Variants in MLLT10 observed in about 807,000 individuals in gnomAD.
MLLT10 encodes MLLT10 histone lysine methyltransferase DOT1L cofactor, also known as protein AF-10.
In MLLT10, 30 loss-of-function variants were observed where a neutral mutation model predicts 129.1. That is an observed-to-expected ratio of 0.23 (90% CI 0.17 to 0.32). MLLT10 has a LOEUF of 0.32. Among genes scored for constraint, MLLT10 ranks in the 10% least tolerant of loss-of-function variants. MLLT10 has a pLI of 1.00. For synonymous variants in MLLT10, 490 were observed against 446.4 expected, an observed-to-expected ratio of 1.10 and a Z score of -1.23; for missense variants, 1,119 against 1,268.3, an observed-to-expected ratio of 0.88 and a Z score of 1.79.
rs542752845 is a variant in MLLT10, at chr10:21,605,358, CTG to C, written c.406-6988_406-6987del. Among the ~76,000 whole-genome samples the C allele has an allele frequency of 3.2e-4, 49 of 152,276 alleles. 1 individual carries two copies. Among genetic ancestry groups the C allele is most frequent in the African/African-American group, 1.1e-3 (47 of 41,572 alleles). On this transcript the variant is annotated intron_variant, in intron 5 of 22. Transcript: ENST00000307729. ...GCATCATGGTGGTAAAGTTGAAAAA[CTG>C]TAAGTAGAATGATTTTAAGTTGGAT...
intron 10 of MLLT10, among the ~76,000 whole-genome samples, chr10:21,671,834 C>T (rs2051440483): frequency 6.6e-6 from 1 of 151,944 alleles, no homozygotes; most frequent in South Asian, 2.1e-4. Flanking sequence ...CTGCCTGTGG[C>T]CCCAGCTCCT....
chr10:21,612,068 C>T (rs1364363127), intron 5 of MLLT10, among the ~76,000 whole-genome samples: 1 of 152,100 alleles, frequency 6.6e-6, no homozygotes, highest in Non-Finnish European at 1.5e-5. Context: ...GCCCGCCAGC[C>T]TCAGTGCCTG....
intron 14 of MLLT10, 100 bp downstream of exon 14, chr10:21,714,050 G>A (rs910223583): frequency 5.1e-5 from 50 of 975,296 alleles, no homozygotes; most frequent in Non-Finnish European, 6.7e-5. Context: ...GCCTTCTATA[G>A]GAATTTATGA....
At chr10:21,721,956 G>A (rs1360685805) in intron 14 of MLLT10, among the ~76,000 whole-genome samples, 1 of 151,770 alleles carries the variant, frequency 6.6e-6, no homozygotes, top group Non-Finnish European at 1.5e-5. Context: ...ATTTTTATCA[G>A]TTATTGGTCT....
At chr10:21,685,223 T>A (rs535656601) in intron 13 of MLLT10, among the ~76,000 whole-genome samples, 1 of 152,358 alleles carries the variant, frequency 6.6e-6, no homozygotes, top group South Asian at 2.1e-4. Flanking sequence ...TCATTTATTC[T>A]AGCAACTGAT....
At chr10:21,681,956 A>T (rs118073014) in intron 12 of MLLT10, among the ~76,000 whole-genome samples, 252 of 152,336 alleles carry the variant, frequency 1.7e-3, no homozygotes, top group Non-Finnish European at 3.0e-3. Context: ...TTTGAAATAC[A>T]TATTTATTAC....
At chr10:21,575,927 TTTG>T (rs951268676) in intron 3 of MLLT10, among the ~76,000 whole-genome samples, 4 of 152,062 alleles carry the variant, frequency 2.6e-5, no homozygotes, top group African/African-American at 9.7e-5. Flanking sequence ...TTGTTGTTTG[TTTG>T]TTTGTTTTTT....
At chr10:21,728,333 G>T (rs144170862) in intron 16 of MLLT10, among the ~76,000 whole-genome samples, 2 of 152,150 alleles carry the variant, frequency 1.3e-5, no homozygotes, top group Admixed American at 6.5e-5. Flanking sequence ...CAGTAAAGTC[G>T]TGTGGTAGAT....
Position 21,742,962 on chromosome 10 carries a change from C to CAAGAA in MLLT10, c.*983_*987dup, listed in dbSNP as rs1246428407. ...TGGGTATTTATCCACTAATGAGTCA[C>CAAGAA]AAGAAAAGGAGTGGATTTGGTAAGA... is the stretch of plus-strand genomic sequence containing the variant. On this transcript the variant is annotated 3_prime_UTR_variant, in exon 23 of 23. Transcript: ENST00000307729. 1.3e-5 allele frequency: 3 copies of CAAGAA among 229,184 alleles called. No individual in the cohort carries two copies. The highest frequency in any genetic ancestry group is 2.6e-5 in the Non-Finnish European group (3 of 115,614). 14.2% of individuals were successfully genotyped at this position (229,184 alleles called of 1,614,324 possible).
chr10:21,736,542 A>C (rs2058379961), intron 21 of MLLT10, among the ~76,000 whole-genome samples: 2 of 152,152 alleles, frequency 1.3e-5, no homozygotes, highest in Admixed American at 6.5e-5. Flanking sequence ...TAGCCTTCCA[A>C]AGTGCTGGAA....
chr10:21,584,157 C>T (rs1032867135), intron 3 of MLLT10, among the ~76,000 whole-genome samples: 36 of 150,836 alleles, frequency 2.4e-4, no homozygotes, highest in African/African-American at 6.1e-4. Flanking sequence ...CGTCAGCCAC[C>T]GCGCCCAGCC....
At chr10:21,631,941 T>G (rs1408660006) in intron 8 of MLLT10, among the ~76,000 whole-genome samples, 1 of 151,732 alleles carries the variant, frequency 6.6e-6, no homozygotes, top group Non-Finnish European at 1.5e-5. Context: ...GGTTTTTTTT[T>G]TTTTTTGGTT....
chr10:21,717,611 TTCCTCCTCTTCC>T (rs1251378813), intron 14 of MLLT10, among the ~76,000 whole-genome samples: 1 of 113,640 alleles, frequency 8.8e-6, no homozygotes, highest in Non-Finnish European at 1.8e-5. Context: ...CTTCCTCTTC[TTCCTCCTCTTCC>T]TCCTCCTCCT....
intron 9 of MLLT10, chr10:21,668,904 TA>T (rs1164442446): frequency 8.4e-7 from 1 of 1,192,982 alleles, no homozygotes; most frequent in Non-Finnish European, 1.1e-6. Flanking sequence ...AGATGACTTT[TA>T]AACTTCACTA....
chr10:21,693,908 G>C (rs970419611), intron 13 of MLLT10, among the ~76,000 whole-genome samples: 15 of 152,092 alleles, frequency 9.9e-5, no homozygotes, highest in Admixed American at 9.2e-4. Context: ...AGACTATTGA[G>C]TGAAGAATTT....
intron 3 of MLLT10, chr10:21,557,069 A>G (rs890604377): frequency 1.2e-5 from 17 of 1,415,488 alleles, no homozygotes; most frequent in Non-Finnish European, 1.4e-5. Flanking sequence ...TCAACTCACA[A>G]ACATTTTTGA....
chr10:21,604,663 G>A (rs1348277710), intron 5 of MLLT10, among the ~76,000 whole-genome samples: 1 of 152,138 alleles, frequency 6.6e-6, no homozygotes, highest in Non-Finnish European at 1.5e-5. Context: ...AGATGCAATG[G>A]TGGGACAGGT....
chr10:21,722,500 A>G (rs1475052565), intron 14 of MLLT10, among the ~76,000 whole-genome samples: 1 of 152,174 alleles, frequency 6.6e-6, no homozygotes, highest in Non-Finnish European at 1.5e-5. Context: ...TTTTTAATAC[A>G]AAAGCTTTCA....
chr10:21,738,082 A>G (rs984723508), intron 21 of MLLT10, among the ~76,000 whole-genome samples: 1 of 152,040 alleles, frequency 6.6e-6, no homozygotes, highest in Non-Finnish European at 1.5e-5. Context: ...AGCCTGACCA[A>G]CGTGGTGAAA....
Sources: gnomAD v4.1 joint callset for allele counts (sites outside exome capture counted in the v4.1 genomes callset) on GRCh38, gnomAD v4.1.1 for gene constraint, MANE v1.5 for transcripts, NCBI Gene and HGNC (gene_info 2026-07-23, HGNC 2026-07-21) for gene names.